STK31: variants seen among roughly 807,000 people sequenced by gnomAD.
STK31 encodes serine/threonine-protein kinase 31.
STK31 carries 89 observed loss-of-function variants against 129.7 expected under a neutral mutation model. The observed-to-expected ratio is 0.69, with a 90% confidence interval of 0.58 to 0.82. STK31 has a LOEUF of 0.82. Ranked by LOEUF, STK31 falls within the 40% of genes least tolerant of loss-of-function variation. The pLI is 0.00. For missense variants in STK31, 1,187 were observed against 1,176.4 expected (o/e 1.01, Z -0.13); for synonymous variants, 448 against 395.3 (o/e 1.13, Z -1.58).
At chr7:23,717,714 A>G (rs1427083664) in intron 4 of STK31, 135 bp downstream of exon 4, 1 of 642,338 alleles carries the variant, frequency 1.6e-6, no homozygotes, top group East Asian at 2.8e-5. Context: ...AACTACTGTT[A>G]TGGTATATTT....
intron 22 of STK31, among the ~76,000 whole-genome samples, chr7:23,795,470 C>T (rs1344228422): frequency 1.3e-5 from 2 of 152,182 alleles, no homozygotes; most frequent in Admixed American, 6.5e-5. Context: ...TCTGCTAAGA[C>T]AGTGCAAAAC....
intron 10 of STK31, among the ~76,000 whole-genome samples, chr7:23,757,996 C>G (rs1789206812): frequency 6.6e-6 from 1 of 152,194 alleles, no homozygotes; most frequent in Non-Finnish European, 1.5e-5. Flanking sequence ...AGCCCTAAAT[C>G]CATGAAACCT....
chr7:23,769,319 T>C (rs369904586), intron 12 of STK31, 145 bp downstream of exon 12: 7 of 728,948 alleles, frequency 9.6e-6, no homozygotes, highest in East Asian at 9.1e-5. Context: ...CAAGGTTCTT[T>C]ATTAGCTTTT....
chr7:23,751,957 T>C (rs1476391828), intron 8 of STK31, among the ~76,000 whole-genome samples: 2 of 114,232 alleles, frequency 1.8e-5, no homozygotes, highest in East Asian at 5.5e-4. Context: ...TGGTGGTTTC[T>C]GGGGGCTTGG....
chr7:23,742,760 G>T (rs1365860449), intron 8 of STK31, among the ~76,000 whole-genome samples: 1 of 151,782 alleles, frequency 6.6e-6, no homozygotes, highest in African/African-American at 2.4e-5. Context: ...TTCTTAGTCT[G>T]TTCAAAATGT....
At chr7:23,735,469 A>G in intron 6 of STK31, 69 bp from the exon 7 acceptor site, 1 of 1,365,544 alleles carries the variant, frequency 7.3e-7, no homozygotes, top group East Asian at 2.3e-5. Context: ...CTTGGAAAAA[A>G]TGGGTAGGAA....
At chr7:23,783,281 T>C (rs1791046757) in intron 16 of STK31, among the ~76,000 whole-genome samples, 1 of 152,170 alleles carries the variant, frequency 6.6e-6, no homozygotes, top group Admixed American at 6.5e-5. Flanking sequence ...TTGTTATAGG[T>C]CCACACTGCT....
intron 15 of STK31, among the ~76,000 whole-genome samples, chr7:23,772,948 C>G (rs1174572083): frequency 1.3e-5 from 2 of 152,116 alleles, no homozygotes; most frequent in Non-Finnish European, 2.9e-5. Flanking sequence ...GAGGACTATT[C>G]TAGAACTAAT....
At chr7:23,757,877 G>T (rs980043776) in intron 10 of STK31, among the ~76,000 whole-genome samples, 2 of 152,166 alleles carry the variant, frequency 1.3e-5, no homozygotes, top group Non-Finnish European at 2.9e-5. Flanking sequence ...AGGTCCCTGC[G>T]GCCTTCTGCA....
At chr7:23,778,983 G>C (rs149103859) in intron 15 of STK31, among the ~76,000 whole-genome samples, 12,622 of 152,048 alleles carry the variant, frequency 0.083, 536 homozygotes, top group East Asian at 0.12. Flanking sequence ...ATCTACCTTT[G>C]GTCTTTGATG....
chr7:23,756,232 C>T (rs571294975), intron 10 of STK31, among the ~76,000 whole-genome samples: 1 of 152,102 alleles, frequency 6.6e-6, no homozygotes, highest in South Asian at 2.1e-4. Flanking sequence ...AGCTGTATTC[C>T]TAGGTATTTT....
rs750916067 is a variant in STK31, at chr7:23,752,721, A to G, written c.1022A>G (p.Glu341Gly). 15 of 1,608,506 alleles carry G rather than the reference A, an allele frequency of 9.3e-6. No individual in the cohort carries two copies. In the Admixed American group the frequency reaches 1.5e-4, roughly 16 times the overall value. The change falls in exon 9 of 24, where the codon GAG (glutamate) becomes GGG (glycine). Residue 341 changes from glutamate (E) to glycine (G), a missense_variant. Coordinates refer to ENST00000355870, the MANE Select transcript of STK31 (RefSeq NM_031414.5). ...VEQIAQELQQ[E>G]KAAAVDLTNH... ...TGTGTTTATTCTTTGTTTCAGCAAG[A>G]GAAGGCAGCTGCTGTGGATTTGACT...
chr7:23,814,475 C>T (rs1793343930), intron 22 of STK31, among the ~76,000 whole-genome samples: 1 of 151,784 alleles, frequency 6.6e-6, no homozygotes, highest in Admixed American at 6.6e-5. Flanking sequence ...AGTATTTTTC[C>T]TATAATGATA....
At position 23,727,323 on chromosome 7, in the gene STK31, A is replaced by C. The variant is rs780574270; in HGVS notation, c.324+8A>C. The C allele has an allele frequency of 4.5e-5, 73 of 1,612,646 alleles. No individual in the cohort carries two copies. In the South Asian group the frequency reaches 7.9e-4, roughly 17 times the overall value. Reference sequence around the variant, plus strand: ...ATCATCAGCGTTGAAAAGGCAGGAAATTAAGTGTTCAGTTTTTTTTTGCTT... The same window carrying C: ...ATCATCAGCGTTGAAAAGGCAGGAACTTAAGTGTTCAGTTTTTTTTTGCTT... On this transcript the variant is annotated splice_region_variant and intron_variant, in intron 5 of 23. Coordinates refer to ENST00000355870, the MANE Select transcript of STK31 (RefSeq NM_031414.5).
At chr7:23,808,586 T>G (rs1444926003) in intron 22 of STK31, among the ~76,000 whole-genome samples, 1 of 152,108 alleles carries the variant, frequency 6.6e-6, no homozygotes, top group Non-Finnish European at 1.5e-5. Context: ...GTAAGCCCTG[T>G]TCTGAGTCCC....
chr7:23,798,944 C>T (rs1390497741), intron 22 of STK31, among the ~76,000 whole-genome samples: 1 of 152,136 alleles, frequency 6.6e-6, no homozygotes, highest in African/African-American at 2.4e-5. Flanking sequence ...CATTCTTATA[C>T]ACCCGTAACA....
intron 23 of STK31, among the ~76,000 whole-genome samples, chr7:23,831,182 A>T (rs1794521021): frequency 6.6e-6 from 1 of 152,048 alleles, no homozygotes; most frequent in Non-Finnish European, 1.5e-5. Flanking sequence ...AGTTTTTTTA[A>T]AATTAATTTT....
chr7:23,736,429 C>A (rs1204921514), intron 7 of STK31, among the ~76,000 whole-genome samples: 1 of 151,802 alleles, frequency 6.6e-6, no homozygotes, highest in African/African-American at 2.4e-5. Context: ...TGTATCAAAA[C>A]AGTCTTCTAT....
At position 23,785,594 on chromosome 7, in the gene STK31, T is replaced by C; in HGVS notation, c.2265T>C (p.Ile755=). The change falls in exon 18 of 24, where the codon ATT becomes ATC. Residue 755 remains isoleucine, a synonymous_variant. Coordinates refer to ENST00000355870, the MANE Select transcript of STK31 (RefSeq NM_031414.5). ...GTTCTGAGGTTAATGGGCAGATAATTCTGTTAAAGGTAAGTCTAACTTCTT... is the reference window on the plus strand; with the variant it reads ...GTTCTGAGGTTAATGGGCAGATAATCCTGTTAAAGGTAAGTCTAACTTCTT... ...LVRSEVNGQI[I]LLKGYSVDVD... is the part of the protein sequence containing the mutation. 1 of 1,612,736 alleles carries C rather than the reference T, an allele frequency of 6.2e-7. No homozygotes were observed. The highest frequency in any genetic ancestry group is 1.1e-5 in the South Asian group (1 of 91,036).
Sources: allele counts gnomAD v4.1 joint callset (sites outside exome capture counted in the v4.1 genomes callset), GRCh38; gene constraint gnomAD v4.1.1; transcripts MANE v1.5; gene names NCBI Gene and HGNC (gene_info 2026-07-23, HGNC 2026-07-21).